The following ARID5B variants were observed in gnomAD, a reference collection of about 807,000 sequenced individuals.
ARID5B encodes the protein AT-rich interaction domain 5B.
ARID5B carries 13 observed loss-of-function variants against 97.2 expected under a neutral mutation model. The observed-to-expected ratio is 0.13, with a 90% CI of 0.09 to 0.21. The LOEUF (loss-of-function observed/expected upper bound fraction) is 0.21. ARID5B is among the 10% of genes least tolerant of loss of function. ARID5B has a pLI of 1.00. For missense variants in ARID5B, 1,210 were observed against 1,465.3 expected (o/e 0.83, Z 2.84); for synonymous variants, 556 against 570.3 (o/e 0.97, Z 0.36).
At chr10:62,065,088 G>A (rs574928349) in intron 7 of ARID5B, among the ~76,000 whole-genome samples, 2 of 152,118 alleles carry the variant, frequency 1.3e-5, no homozygotes, top group South Asian at 4.1e-4. Flanking sequence ...AAGACGGTTT[G>A]AAACCCACTA....
intron 4 of ARID5B, among the ~76,000 whole-genome samples, chr10:62,027,148 T>A (rs76229620): frequency 0.021 from 3,184 of 152,028 alleles, 52 homozygotes; most frequent in Non-Finnish European, 0.032. Flanking sequence ...TCTTCCTCCA[T>A]CTCTCCTAGT....
chr10:61,966,751 T>G (rs1285472951), intron 3 of ARID5B, among the ~76,000 whole-genome samples: 1 of 152,172 alleles, frequency 6.6e-6, no homozygotes, highest in East Asian at 1.9e-4. Flanking sequence ...TGACATCTCC[T>G]AATTTCTAGG....
At chr10:61,978,850 A>C (rs1838737342) in intron 3 of ARID5B, among the ~76,000 whole-genome samples, 1 of 152,124 alleles carries the variant, frequency 6.6e-6, no homozygotes, top group African/African-American at 2.4e-5. Context: ...AAAACCCTTT[A>C]TTTCTTTCTC....
intron 4 of ARID5B, among the ~76,000 whole-genome samples, chr10:62,028,377 C>A (rs1839449848): frequency 6.6e-6 from 1 of 152,142 alleles, no homozygotes; most frequent in Non-Finnish European, 1.5e-5. Flanking sequence ...TCACTGCATT[C>A]TGCTTTTCAG....
chr10:61,944,170 A>T (rs1296812246), intron 3 of ARID5B, among the ~76,000 whole-genome samples: 1 of 152,014 alleles, frequency 6.6e-6, no homozygotes, highest in African/African-American at 2.4e-5. Context: ...AGACTGTTTC[A>T]TACTGAAGTT....
chr10:61,902,560 G>C, intron 2 of ARID5B, 147 bp downstream of exon 2: 1 of 1,145,208 alleles, frequency 8.7e-7, no homozygotes, highest in Non-Finnish European at 1.2e-6. Flanking sequence ...CCACTAGCTG[G>C]GGCTCGAGTA....
Position 62,091,835 on chromosome 10 carries a change from A to C in ARID5B, c.2372A>C (p.His791Pro). 6.2e-7 allele frequency: 1 copy of C among 1,614,184 alleles called. No homozygotes were observed. The highest frequency in any genetic ancestry group is 8.5e-7 in the Non-Finnish European group (1 of 1,180,020). The part of the protein sequence containing the change: ...SDPHRCSFSK[H>P]HLNPLADSYV... ...CCCCACCGCTGCAGCTTCTCCAAGCATCACCTTAACCCCCTTGCTGACTCC... is the reference window on the plus strand; with the variant it reads ...CCCCACCGCTGCAGCTTCTCCAAGCCTCACCTTAACCCCCTTGCTGACTCC... The change falls in exon 10 of 10, where the codon CAT becomes CCT. Residue 791 changes from histidine (H) to proline (P), a missense_variant. Around this residue, in one of 8 missense-constraint regions of ARID5B, gnomAD observed 800 missense variants for 839.1 expected, o/e 0.95. Transcript: ENST00000279873.
intron 4 of ARID5B, among the ~76,000 whole-genome samples, chr10:62,006,660 G>A (rs1839150638): frequency 1.3e-5 from 2 of 152,176 alleles, no homozygotes; most frequent in Admixed American, 1.3e-4. Flanking sequence ...TTCTAAGAGA[G>A]TAAGACAAAA....
intron 2 of ARID5B, among the ~76,000 whole-genome samples, chr10:61,933,049 C>T (rs1844238816): frequency 6.6e-6 from 1 of 152,142 alleles, no homozygotes; most frequent in African/African-American, 2.4e-5. Flanking sequence ...CCAACCTGGC[C>T]AACAGAGCCA....
intron 3 of ARID5B, among the ~76,000 whole-genome samples, chr10:61,973,276 A>G (rs1342107379): frequency 6.6e-6 from 1 of 152,222 alleles, no homozygotes; most frequent in Non-Finnish European, 1.5e-5. Context: ...AGGGGAATAG[A>G]GGAACCTCAT....
chr10:61,948,781 G>A (rs142874330), intron 3 of ARID5B, among the ~76,000 whole-genome samples: 53 of 152,126 alleles, frequency 3.5e-4, no homozygotes, highest in African/African-American at 1.2e-3. Context: ...GATCCATTAC[G>A]CATGGCCAGA....
chr10:61,999,987 CT>C (rs1589252808), intron 3 of ARID5B, 103 bp from the exon 4 acceptor site: 2 of 1,149,796 alleles, frequency 1.7e-6, no homozygotes, highest in East Asian at 5.1e-5. Context: ...GGATGAGAGT[CT>C]TTTTAGTCCC....
At chr10:62,025,685 T>A (rs1343539100) in intron 4 of ARID5B, among the ~76,000 whole-genome samples, 1 of 152,174 alleles carries the variant, frequency 6.6e-6, no homozygotes, top group Non-Finnish European at 1.5e-5. Context: ...ATCAAGTCAC[T>A]GCATGTTGAG....
intron 2 of ARID5B, among the ~76,000 whole-genome samples, chr10:61,925,031 C>A (rs150064753): frequency 6.6e-6 from 1 of 151,932 alleles, no homozygotes; most frequent in Non-Finnish European, 1.5e-5. Flanking sequence ...ATTGTGAAAC[C>A]CTGTTCCTAC....
intron 3 of ARID5B, among the ~76,000 whole-genome samples, chr10:61,978,873 C>G (rs192217526): frequency 6.6e-6 from 1 of 152,098 alleles, no homozygotes; most frequent in African/African-American, 2.4e-5. Context: ...GCCTGATTGC[C>G]CTGGCCAGAA....
intron 4 of ARID5B, among the ~76,000 whole-genome samples, chr10:62,029,526 G>A (rs1839467423): frequency 6.6e-6 from 1 of 152,196 alleles, no homozygotes; most frequent in Non-Finnish European, 1.5e-5. Flanking sequence ...AATTGTAGTA[G>A]CTAGTGCTTA....
rs774708001 is a variant in ARID5B, at chr10:62,095,589, G to A, written c.*2559G>A. ...TCTGTCTGAGGAAGCTCATACCCTC[G>A]GCAAAACATCAGGACAAATAAAGAG... is the stretch of plus-strand genomic sequence containing the variant. On this transcript the variant is annotated 3_prime_UTR_variant, in exon 10 of 10. Transcript: ENST00000279873. The A allele has an allele frequency of 4.7e-5, 11 of 233,340 alleles. No individual in the cohort carries two copies. The highest frequency in any genetic ancestry group is 1.5e-4 in the African/African-American group (7 of 45,388). 14.5% of individuals were successfully genotyped at this position (233,340 alleles called of 1,614,324 possible).
At chr10:61,968,131 T>C (rs1838572018) in intron 3 of ARID5B, among the ~76,000 whole-genome samples, 1 of 144,174 alleles carries the variant, frequency 6.9e-6, no homozygotes. Flanking sequence ...CCTAATCTAG[T>C]GTGCCACAAT....
At chr10:62,055,665 C>T (rs922601168) in intron 5 of ARID5B, among the ~76,000 whole-genome samples, 1 of 152,106 alleles carries the variant, frequency 6.6e-6, no homozygotes, top group African/African-American at 2.4e-5. Flanking sequence ...TGTTTTAGTC[C>T]CATTTCCATA....
Sources: gnomAD v4.1 joint callset for allele counts (sites outside exome capture counted in the v4.1 genomes callset) on GRCh38, gnomAD v4.1.1 for gene constraint, gnomAD v4.1.1 regional missense constraint, MANE v1.5 for transcripts, NCBI Gene and HGNC (gene_info 2026-07-23, HGNC 2026-07-21) for gene names.